DLGAP2: variants seen among roughly 807,000 people sequenced by gnomAD.
DLGAP2 encodes the protein DLG associated protein 2.
A neutral mutation model predicts 100.3 loss-of-function variants in DLGAP2; 26 were observed. The ratio of observed to expected loss-of-function variants is 0.26; its 90% CI spans 0.19 to 0.36. The LOEUF (loss-of-function observed/expected upper bound fraction) is 0.36, where lower values mean the gene tolerates loss of function less well. Among genes scored for constraint, DLGAP2 ranks in the 10% least tolerant of loss-of-function variants. DLGAP2 has a pLI of 1.00. For synonymous variants in DLGAP2, 886 were observed against 630.1 expected, an observed-to-expected ratio of 1.41 and a Z score of -6.08; for missense variants, 1,858 against 1,453.2, an observed-to-expected ratio of 1.28 and a Z score of -4.53.
chr8:998,515 T>G (rs1800852881), intron 2 of DLGAP2, among the ~76,000 whole-genome samples: 1 of 151,530 alleles, frequency 6.6e-6, no homozygotes, highest in Admixed American at 6.6e-5. Context: ...GTCACCCAGG[T>G]TGATCTTGAA....
rs1283487566 is a variant in DLGAP2, at chr8:1,183,839, GC to G, written c.74-75010del. On this transcript the variant is annotated intron_variant, in intron 2 of 14. Coordinates refer to ENST00000637795, the MANE Select transcript of DLGAP2 (RefSeq NM_001346810.2). ...CAAGCCTTCAGGCAGAGAACGTACT[GC>G]CTCCATTCAGCAGGTGTGCACCCTG... Among the ~76,000 whole-genome samples the G allele has an allele frequency of 2.0e-5, 3 of 152,234 alleles. No individual in the cohort carries two copies. In the East Asian group the frequency reaches 5.8e-4, roughly 29 times the overall value.
intron 1 of DLGAP2, among the ~76,000 whole-genome samples, chr8:871,796 C>G (rs2128991723): frequency 6.6e-6 from 1 of 152,244 alleles, no homozygotes; most frequent in Middle Eastern, 3.4e-3. Flanking sequence ...ATGGGAGAAA[C>G]TGACCCTCTG....
intron 2 of DLGAP2, among the ~76,000 whole-genome samples, chr8:950,860 G>A (rs1799462113): frequency 6.6e-6 from 1 of 151,830 alleles, no homozygotes; most frequent in South Asian, 2.1e-4. Flanking sequence ...TCCTGACCTT[G>A]TGGTCCACCC....
intron 3 of DLGAP2, among the ~76,000 whole-genome samples, chr8:1,356,898 C>A (rs1218028658): frequency 2.0e-5 from 3 of 152,176 alleles, no homozygotes; most frequent in Non-Finnish European, 4.4e-5. Flanking sequence ...AGGGTGTGCC[C>A]TTGTGTCTAC....
intron 4 of DLGAP2, among the ~76,000 whole-genome samples, chr8:1,530,251 T>C (rs528803101): frequency 1.3e-5 from 2 of 152,292 alleles, no homozygotes; most frequent in East Asian, 3.9e-4. Context: ...TATAAGCCTA[T>C]ACCTCCAGGC....
At chr8:783,626 G>A (rs553436251) in intron 1 of DLGAP2, among the ~76,000 whole-genome samples, 1 of 151,858 alleles carries the variant, frequency 6.6e-6, no homozygotes, top group East Asian at 2.0e-4. Flanking sequence ...TAGGGTTTAC[G>A]GGTGCCTTTC....
intron 4 of DLGAP2, among the ~76,000 whole-genome samples, 166 bp from the exon 5 acceptor site, chr8:1,548,458 GAA>G (rs773138776): frequency 0.047 from 1,927 of 41,436 alleles, 21 homozygotes; most frequent in African/African-American, 0.1. Context: ...GACTGTCTCA[GAA>G]AAAAAAAAAA....
chr8:950,645 G>T (rs1327333085), intron 2 of DLGAP2, among the ~76,000 whole-genome samples: 64 of 133,170 alleles, frequency 4.8e-4, no homozygotes, highest in Middle Eastern at 4.8e-3. Flanking sequence ...TTTTTGAGAT[G>T]GAGTCTCGCT....
chr8:1,212,125 T>C (rs1469341012), intron 2 of DLGAP2, among the ~76,000 whole-genome samples: 2 of 152,184 alleles, frequency 1.3e-5, no homozygotes, highest in Non-Finnish European at 2.9e-5. Context: ...GAATATCGAA[T>C]GTGCAGAAAA....
At chr8:1,552,769 C>A (rs1394832153) in intron 5 of DLGAP2, among the ~76,000 whole-genome samples, 1 of 152,182 alleles carries the variant, frequency 6.6e-6, no homozygotes, top group African/African-American at 2.4e-5. Context: ...ACGACAGGAT[C>A]ACTTTTCATT....
Position 1,616,225 on chromosome 8 carries a change from T to TA in DLGAP2, c.1443-10507dup, listed in dbSNP as rs968296873. On this transcript the variant is annotated intron_variant, in intron 6 of 14. Transcript: ENST00000637795. ...ATATGAAAAAGTAGAGGTAAGATAT[T>TA]AAAAAAAAGAATAGAGCCTCAGTAA... is the stretch of plus-strand genomic sequence containing the variant. 1.1e-4 allele frequency among the ~76,000 whole-genome samples: 16 copies of TA among 151,756 alleles called. 1 individual carries two copies. The highest frequency in any genetic ancestry group is 3.6e-4 in the African/African-American group (15 of 41,408).
intron 2 of DLGAP2, among the ~76,000 whole-genome samples, chr8:1,085,156 G>A (rs913647620): frequency 6.6e-6 from 1 of 152,208 alleles, no homozygotes; most frequent in Admixed American, 6.5e-5. Flanking sequence ...CCATTCAAGT[G>A]CCTTCTTTTG....
chr8:1,663,227 G>A (rs187881774), intron 8 of DLGAP2, among the ~76,000 whole-genome samples: 9 of 152,050 alleles, frequency 5.9e-5, no homozygotes, highest in Admixed American at 5.2e-4. Flanking sequence ...AGTGTGGGGT[G>A]TGAGTGTGTG....
intron 3 of DLGAP2, among the ~76,000 whole-genome samples, chr8:1,432,846 C>T (rs577399445): frequency 1.6e-4 from 24 of 152,310 alleles, no homozygotes; most frequent in Admixed American, 9.8e-4. Flanking sequence ...CACTGGACCC[C>T]GGTGACTTGG....
In DLGAP2 at chr8:1,563,539, A is replaced by G. The variant is rs1430760119; in HGVS notation, c.1231-2144A>G. Among the ~76,000 whole-genome samples, 12 of 103,940 alleles carry G rather than the reference A, an allele frequency of 1.2e-4. No individual in the cohort carries two copies. The East Asian group carries it at 2.0e-3, about 17-fold the overall frequency. The allele number at this position is 103,940 out of a possible 152,430, so 68.2% of individuals were successfully genotyped here. A position where few individuals can be genotyped will look rare whatever the true frequency, so the allele number is the denominator to read the frequency against. ...TGCCTCGTTACTGCGGGGACCGTGCAGTGTCCGGGTGTCCGCGCCTCGTTG... is the reference window on the plus strand; with the variant it reads ...TGCCTCGTTACTGCGGGGACCGTGCGGTGTCCGGGTGTCCGCGCCTCGTTG... On this transcript the variant is annotated intron_variant, in intron 5 of 14. Coordinates refer to ENST00000637795, the MANE Select transcript of DLGAP2 (RefSeq NM_001346810.2).
At position 1,172,713 on chromosome 8, in the gene DLGAP2, G is replaced by A. The variant is rs574748055; in HGVS notation, c.74-86138G>A. 2.0e-4 allele frequency among the ~76,000 whole-genome samples: 31 copies of A among 152,130 alleles called. No homozygotes were observed. The South Asian group carries it at 3.7e-3, about 18-fold the overall frequency. On this transcript the variant is annotated intron_variant, in intron 2 of 14. Coordinates refer to ENST00000637795, the MANE Select transcript of DLGAP2 (RefSeq NM_001346810.2). ...CTTCTGCATTCTTCACATAGTTCCC[G>A]AGCCTTGGCTTTCAGCTCCATCAGC...
chr8:1,457,973 A>G (rs550325864), intron 3 of DLGAP2, among the ~76,000 whole-genome samples: 1 of 57,922 alleles, frequency 1.7e-5, no homozygotes, highest in East Asian at 3.9e-4. Flanking sequence ...CTGTTCTCTG[A>G]TCATATATAT....
chr8:1,206,812 G>A (rs1194604077), intron 2 of DLGAP2, among the ~76,000 whole-genome samples: 2 of 152,188 alleles, frequency 1.3e-5, no homozygotes, highest in Non-Finnish European at 1.5e-5. Context: ...GCAGGCTAAG[G>A]CTCCACGGGC....
At chr8:1,432,131 C>T (rs747640586) in intron 3 of DLGAP2, among the ~76,000 whole-genome samples, 6 of 152,206 alleles carry the variant, frequency 3.9e-5, no homozygotes, top group Non-Finnish European at 8.8e-5. Context: ...GGCGTTTGAT[C>T]ATTCGGGGCT....
Sources: allele counts gnomAD v4.1 joint callset (sites outside exome capture counted in the v4.1 genomes callset), GRCh38; gene constraint gnomAD v4.1.1; transcripts MANE v1.5; gene names NCBI Gene and HGNC (gene_info 2026-07-23, HGNC 2026-07-21).